Variants in TRPM8 observed in about 807,000 individuals in gnomAD.
TRPM8 encodes transient receptor potential cation channel subfamily M member 8.
In TRPM8, 110 loss-of-function variants were observed where a neutral mutation model predicts 133.7. That is an observed-to-expected ratio of 0.82 (90% CI 0.70 to 0.96). The LOEUF (loss-of-function observed/expected upper bound fraction) is 0.96. TRPM8 is among the 40% of genes least tolerant of loss of function. The pLI is 0.00. For missense variants in TRPM8, 1,291 were observed against 1,379.5 expected, an observed-to-expected ratio of 0.94 and a Z score of 1.02; for synonymous variants, 535 against 532.3, an observed-to-expected ratio of 1.01 and a Z score of -0.07.
chr2:234,011,058 T>A (rs1692824849), intron 24 of TRPM8, among the ~76,000 whole-genome samples: 1 of 152,306 alleles, frequency 6.6e-6, no homozygotes, highest in Admixed American at 6.5e-5. Context: ...ACGACCAGAG[T>A]CAAGAAGGTT....
Position 233,927,796 on chromosome 2 carries a change from TTTCCTTCC to T in TRPM8, c.117+1193_117+1200del, listed in dbSNP as rs1170295086. On this transcript the variant is annotated intron_variant, in intron 2 of 25. Transcript: ENST00000324695. Reference sequence around the variant, plus strand: ...TTTCTTTCTTTCTTTCTTTCTTTTCTTTCCTTCCTTCCTTCCTTCCTTCCTTCCTTCCT... The same window carrying T: ...TTTCTTTCTTTCTTTCTTTCTTTTCTTTCCTTCCTTCCTTCCTTCCTTCCT... 6.1e-3 allele frequency among the ~76,000 whole-genome samples: 155 copies of T among 25,564 alleles called. 10 individuals carry two copies. Among genetic ancestry groups the T allele is most frequent in the Middle Eastern group, 0.024 (2 of 84 alleles). The allele number at this position is 25,564 out of a possible 152,430, so 16.8% of individuals were successfully genotyped here.
Position 233,969,815 on chromosome 2 carries a change from C to T in TRPM8, c.2138+8C>T, listed in dbSNP as rs747956789. 6.5e-7 allele frequency: 1 copy of T among 1,537,538 alleles called. No homozygotes were observed. Among genetic ancestry groups the T allele is most frequent in the South Asian group, 1.1e-5 (1 of 89,490 alleles). ...TGGCTTTGTATCATTTAGGTACAAA[C>T]CAAGGCACATAATCGTGTGTGAGTG... On this transcript the variant is annotated splice_region_variant and intron_variant, in intron 16 of 25. Coordinates refer to ENST00000324695, the MANE Select transcript of TRPM8 (RefSeq NM_024080.5).
chr2:233,950,230 C>T (rs1206657493), intron 9 of TRPM8, 84 bp downstream of exon 9: 4 of 1,318,906 alleles, frequency 3.0e-6, no homozygotes, highest in Non-Finnish European at 4.2e-6. Flanking sequence ...CCCAACTCCA[C>T]CAGCAGCTGC....
At position 233,960,818 on chromosome 2, in the gene TRPM8, G is replaced by T. The variant is rs771008707; in HGVS notation, c.1405G>T (p.Asp469Tyr). The T allele has an allele frequency of 1.2e-6, 2 of 1,614,072 alleles. No homozygotes were observed. The highest frequency in any genetic ancestry group is 1.7e-6 in the Non-Finnish European group (2 of 1,180,016). ...AGTCATGTTTACGGCTCTCATAAAG[G>T]ACAGACCCAAGTTTGTCCGCCTCTT... ...QEVMFTALIK[D>Y]RPKFVRLFLE... Residue 469 changes from aspartate to tyrosine, a missense_variant, in exon 12 of 26, where the codon GAC (aspartate) becomes TAC (tyrosine). Transcript: ENST00000324695.
At chr2:233,987,826 T>A (rs1692184060) in intron 21 of TRPM8, among the ~76,000 whole-genome samples, 1 of 152,162 alleles carries the variant, frequency 6.6e-6, no homozygotes, top group Non-Finnish European at 1.5e-5. Context: ...CGAGATTTGA[T>A]GGTTTTATAA....
intron 17 of TRPM8, 73 bp from the exon 18 acceptor site, chr2:233,980,115 G>T (rs1691969076): frequency 2.0e-6 from 2 of 1,007,656 alleles, no homozygotes; most frequent in African/African-American, 3.3e-5. Flanking sequence ...AAAATGAGTG[G>T]ACATTTAAAA....
chr2:233,924,425 C>A (rs991623734), intron 1 of TRPM8, among the ~76,000 whole-genome samples: 3 of 152,204 alleles, frequency 2.0e-5, no homozygotes, highest in African/African-American at 7.2e-5. Flanking sequence ...CATATCGCTT[C>A]TCTTGGACCT....
At chr2:233,966,859 A>C in intron 15 of TRPM8, 104 bp downstream of exon 15, 2 of 1,364,260 alleles carry the variant, frequency 1.5e-6, no homozygotes, top group Non-Finnish European at 9.7e-7. Context: ...TTATTCTCCA[A>C]TATAAAAGCC....
At chr2:234,000,401 G>C (rs961128637) in intron 22 of TRPM8, among the ~76,000 whole-genome samples, 1 of 152,140 alleles carries the variant, frequency 6.6e-6, no homozygotes, top group African/African-American at 2.4e-5. Flanking sequence ...GAGCCACTGC[G>C]CCCTGGCCCT....
intron 24 of TRPM8, among the ~76,000 whole-genome samples, chr2:234,009,662 T>A (rs1692783680): frequency 1.3e-5 from 2 of 152,114 alleles, no homozygotes; most frequent in Non-Finnish European, 2.9e-5. Flanking sequence ...TTCCCCTTGC[T>A]CTGTCTCTTT....
At chr2:234,010,214 AAGTGAGAT>A (rs1692802256) in intron 24 of TRPM8, among the ~76,000 whole-genome samples, 1 of 152,170 alleles carries the variant, frequency 6.6e-6, no homozygotes, top group African/African-American at 2.4e-5. Flanking sequence ...TTTCACATAT[AAGTGAGAT>A]AGTGCATTAT....
chr2:234,019,121 A>T lies in TRPM8; in HGVS notation c.*1865A>T, dbSNP rs1438261702. On this transcript the variant is annotated 3_prime_UTR_variant, in exon 26 of 26. Transcript: ENST00000324695. Reference sequence around the variant, plus strand: ...AAACTACAAAAGCATTAACTAAAAAAGTTTATTTTCCTTTTGTCTGGGCAG... The same window carrying T: ...AAACTACAAAAGCATTAACTAAAAATGTTTATTTTCCTTTTGTCTGGGCAG... The T allele has an allele frequency of 6.6e-6, 1 of 152,238 alleles. No individual in the cohort carries two copies. Among genetic ancestry groups the T allele is most frequent in the Non-Finnish European group, 1.5e-5 (1 of 68,046 alleles). The allele number at this position is 152,238 out of a possible 1,614,324, so 9.4% of individuals were successfully genotyped here. A position where few individuals can be genotyped will look rare whatever the true frequency, so the allele number is the denominator to read the frequency against.
intron 1 of TRPM8, among the ~76,000 whole-genome samples, chr2:233,923,633 G>C (rs1350398585): frequency 6.6e-6 from 1 of 152,196 alleles, no homozygotes; most frequent in Non-Finnish European, 1.5e-5. Flanking sequence ...GCCAGTCTTT[G>C]CCACACTTGA....
At chr2:233,985,969 A>G (rs1029716465) in intron 21 of TRPM8, 104 bp downstream of exon 21, 9 of 1,089,652 alleles carry the variant, frequency 8.3e-6, no homozygotes, top group Non-Finnish European at 1.2e-5. Flanking sequence ...TGAGGAACAT[A>G]CTTTAGAGAT....
At position 233,937,520 on chromosome 2, in the gene TRPM8, GT is replaced by G. The variant is rs778065917; in HGVS notation, c.348+15del. 5 of 1,608,204 alleles carry G rather than the reference GT, an allele frequency of 3.1e-6. No individual in the cohort carries two copies. The highest frequency in any genetic ancestry group is 3.4e-6 in the Non-Finnish European group (4 of 1,176,818). On this transcript the variant is annotated intron_variant, in intron 4 of 25. Coordinates refer to ENST00000324695, the MANE Select transcript of TRPM8 (RefSeq NM_024080.5). ...GGGAAGAAAGGGAAGGTAAGCAATG[GT>G]TTTCTACTTTGGCAGCTAATTCATA...
intron 22 of TRPM8, among the ~76,000 whole-genome samples, 187 bp downstream of exon 22, chr2:233,996,703 C>T (rs1692411837): frequency 6.6e-6 from 1 of 152,218 alleles, no homozygotes; most frequent in Non-Finnish European, 1.5e-5. Context: ...CTGAAGAAAG[C>T]ACTGTAGATC....
intron 22 of TRPM8, among the ~76,000 whole-genome samples, chr2:234,000,531 G>T (rs1692531247): frequency 6.6e-6 from 1 of 152,116 alleles, no homozygotes; most frequent in South Asian, 2.1e-4. Flanking sequence ...AGTCAGGGAG[G>T]AAAAATATCT....
At chr2:233,917,881 T>C (rs1316867687) in intron 1 of TRPM8, among the ~76,000 whole-genome samples, 1 of 152,208 alleles carries the variant, frequency 6.6e-6, no homozygotes, top group African/African-American at 2.4e-5. Flanking sequence ...AAATAATGCA[T>C]TCAAATAGTA....
intron 1 of TRPM8, among the ~76,000 whole-genome samples, chr2:233,923,908 G>A (rs1046104112): frequency 6.6e-6 from 1 of 152,168 alleles, no homozygotes; most frequent in African/African-American, 2.4e-5. Flanking sequence ...ACCAATATCT[G>A]GTTAGAATCA....
Sources: allele counts gnomAD v4.1 joint callset (sites outside exome capture counted in the v4.1 genomes callset), GRCh38; gene constraint gnomAD v4.1.1; transcripts MANE v1.5; gene names NCBI Gene and HGNC (gene_info 2026-07-23, HGNC 2026-07-21).